BCAR3: variants seen among roughly 807,000 people sequenced by gnomAD.
The protein encoded by BCAR3 is BCAR3 adaptor protein, NSP family member.
In BCAR3, 37 loss-of-function variants were observed where a neutral mutation model predicts 80.1. The observed-to-expected ratio is 0.46, with a 90% CI of 0.36 to 0.61. The LOEUF (loss-of-function observed/expected upper bound fraction) is 0.61. BCAR3 is among the 20% of genes least tolerant of loss of function. BCAR3 has a pLI of 0.00. For synonymous variants in BCAR3, 389 were observed against 418.9 expected (o/e 0.93, Z 0.87); for missense variants, 978 against 1,068.2 (o/e 0.92, Z 1.18).
chr1:93,584,415 A>G (rs1673858549), intron 5 of BCAR3, among the ~76,000 whole-genome samples: 1 of 152,172 alleles, frequency 6.6e-6, no homozygotes, highest in Non-Finnish European at 1.5e-5. Flanking sequence ...AGAGTAGGGT[A>G]AAAGTTTTAC....
At chr1:93,585,065 G>A (rs1488381749) in intron 5 of BCAR3, 8 of 985,308 alleles carry the variant, frequency 8.1e-6, no homozygotes, top group African/African-American at 1.7e-5. Flanking sequence ...AGACAAGACC[G>A]AGGGCAAATT....
intron 2 of BCAR3, among the ~76,000 whole-genome samples, chr1:93,643,182 A>C (rs1570999956): frequency 6.7e-6 from 1 of 148,742 alleles, no homozygotes; most frequent in Non-Finnish European, 1.5e-5. Context: ...AGCCAAGATC[A>C]CACCATTGCA....
chr1:93,572,313 C>G (rs911168780), intron 8 of BCAR3, among the ~76,000 whole-genome samples: 4 of 152,108 alleles, frequency 2.6e-5, no homozygotes, highest in Non-Finnish European at 4.4e-5. Context: ...ATGCTTGATC[C>G]AAGACAATAA....
intron 2 of BCAR3, among the ~76,000 whole-genome samples, chr1:93,828,561 C>G (rs899505481): frequency 6.6e-6 from 1 of 152,172 alleles, no homozygotes; most frequent in African/African-American, 2.4e-5. Context: ...ACAGACAGGC[C>G]TTGCTGGGTT....
chr1:93,774,831 A>C (rs895738220), intron 2 of BCAR3, among the ~76,000 whole-genome samples: 9 of 152,320 alleles, frequency 5.9e-5, no homozygotes, highest in African/African-American at 2.2e-4. Flanking sequence ...TGGCCAGGTT[A>C]CTCAAATTGC....
chr1:93,724,754 G>A (rs1169200253), intron 2 of BCAR3, among the ~76,000 whole-genome samples: 1 of 152,204 alleles, frequency 6.6e-6, no homozygotes, highest in Non-Finnish European at 1.5e-5. Flanking sequence ...ATGGCGGGAA[G>A]CCGATGCAAT....
At chr1:93,710,724 T>TC (rs1163776027) in intron 2 of BCAR3, among the ~76,000 whole-genome samples, 2 of 152,282 alleles carry the variant, frequency 1.3e-5, no homozygotes, top group African/African-American at 4.8e-5. Flanking sequence ...CTCCATCCCC[T>TC]CCCCCTGCTT....
chr1:93,672,966 C>T (rs756200069), intron 2 of BCAR3, among the ~76,000 whole-genome samples: 10 of 152,320 alleles, frequency 6.6e-5, no homozygotes, highest in Middle Eastern at 3.4e-3. Context: ...CATTCCAGTT[C>T]CTTTTGGGGT....
intron 2 of BCAR3, among the ~76,000 whole-genome samples, chr1:93,761,783 A>T (rs186838096): frequency 2.6e-5 from 4 of 152,176 alleles, no homozygotes; most frequent in South Asian, 2.1e-4. Flanking sequence ...AAGAAATTCA[A>T]TAACACAAAG....
intron 3 of BCAR3, among the ~76,000 whole-genome samples, chr1:93,633,824 A>G (rs1286025011): frequency 6.6e-6 from 1 of 152,112 alleles, no homozygotes; most frequent in Non-Finnish European, 1.5e-5. Flanking sequence ...TTTAGTTAGT[A>G]GTCAGGGGCT....
chr1:93,600,707 T>G (rs1308552586), intron 3 of BCAR3: 1 of 152,194 alleles, frequency 6.6e-6, no homozygotes, highest in Non-Finnish European at 1.5e-5. Context: ...ATCCCTCATG[T>G]CCTGCCTCCA....
chr1:93,606,969 C>T (rs753107209), intron 3 of BCAR3, among the ~76,000 whole-genome samples: 6 of 152,122 alleles, frequency 3.9e-5, no homozygotes, highest in Non-Finnish European at 8.8e-5. Flanking sequence ...ATGTGCAGGT[C>T]ACTGGTGGCA....
chr1:93,708,531 C>A (rs560363950), intron 2 of BCAR3, among the ~76,000 whole-genome samples: 1 of 152,298 alleles, frequency 6.6e-6, no homozygotes, highest in East Asian at 1.9e-4. Context: ...GTTCTCTCCC[C>A]AGTGTCCCAT....
rs1033549883 is a variant in BCAR3 at position 93,564,083 on chromosome 1, C to T, written c.2300-1664G>A. Among the ~76,000 whole-genome samples the T allele has an allele frequency of 6.6e-5, 10 of 151,902 alleles. 1 individual carries two copies. The highest frequency in any genetic ancestry group is 2.4e-4 in the African/African-American group (10 of 41,328). On this transcript the variant is annotated intron_variant, in intron 11 of 11. Coordinates refer to ENST00000260502, the MANE Select transcript of BCAR3 (RefSeq NM_003567.4). The stretch of plus-strand genomic sequence containing the variant: ...ATTTACATTTCCCTAATGATGAATG[C>T]TTTGAACATCTTTTCATGTAGTTGT...
chr1:93,665,242 G>A (rs1399727355), intron 2 of BCAR3, among the ~76,000 whole-genome samples: 1 of 152,004 alleles, frequency 6.6e-6, no homozygotes, highest in East Asian at 1.9e-4. Context: ...AGGACCGCTG[G>A]GAAGAAACCA....
chr1:93,775,747 G>GA (rs1652525045), intron 2 of BCAR3, among the ~76,000 whole-genome samples: 2 of 151,998 alleles, frequency 1.3e-5, no homozygotes, highest in South Asian at 4.2e-4. Context: ...TTGCTGGGTG[G>GA]AAAAAAAGCG....
intron 2 of BCAR3, among the ~76,000 whole-genome samples, chr1:93,724,336 G>GC (rs1650506563): frequency 6.6e-6 from 1 of 152,198 alleles, no homozygotes; most frequent in South Asian, 2.1e-4. Flanking sequence ...GTCCATTACT[G>GC]GCCTGCAGTG....
At chr1:93,629,632 T>G (rs1162835206) in intron 3 of BCAR3, among the ~76,000 whole-genome samples, 1 of 152,218 alleles carries the variant, frequency 6.6e-6, no homozygotes, top group Non-Finnish European at 1.5e-5. Flanking sequence ...AGCCAAATGC[T>G]GAACTGTTGT....
intron 2 of BCAR3, among the ~76,000 whole-genome samples, chr1:93,762,413 A>G (rs1178025591): frequency 1.3e-5 from 2 of 152,308 alleles, no homozygotes; most frequent in Non-Finnish European, 2.9e-5. Flanking sequence ...TGACCATAGA[A>G]TTGGGTCAGA....
Sources: gnomAD v4.1 joint callset for allele counts (sites outside exome capture counted in the v4.1 genomes callset) on GRCh38, gnomAD v4.1.1 for gene constraint, MANE v1.5 for transcripts, NCBI Gene and HGNC (gene_info 2026-07-23, HGNC 2026-07-21) for gene names.